Variants in FRS2 observed in about 807,000 individuals in gnomAD.
FRS2 encodes fibroblast growth factor receptor substrate 2, also known as FGFR signalling adaptor.
A neutral mutation model predicts 43.9 loss-of-function variants in FRS2; 8 were observed. The ratio of observed to expected loss-of-function variants is 0.18; its 90% CI spans 0.11 to 0.33. The LOEUF (loss-of-function observed/expected upper bound fraction) is 0.33. Ranked by LOEUF, FRS2 falls within the 10% of genes least tolerant of loss-of-function variation. The pLI is 1.00. For synonymous variants in FRS2, 219 were observed against 220.3 expected, an observed-to-expected ratio of 0.99 and a Z score of 0.05; for missense variants, 534 against 627.6, an observed-to-expected ratio of 0.85 and a Z score of 1.59.
chr12:69,559,787 T>TAA (rs542809585), intron 3 of FRS2, among the ~76,000 whole-genome samples: 6 of 143,506 alleles, frequency 4.2e-5, no homozygotes, highest in East Asian at 4.0e-4. Flanking sequence ...CCCAATGGTT[T>TAA]AAAAAAAAAA....
rs535945888 is a variant in FRS2, at chr12:69,531,566, A to G, written c.-164-448A>G. 5.3e-5 allele frequency among the ~76,000 whole-genome samples: 8 copies of G among 152,190 alleles called. No homozygotes were observed. In the South Asian group the frequency reaches 1.2e-3, roughly 24 times the overall value. On this transcript the variant is annotated intron_variant, in intron 2 of 8. Transcript: ENST00000549921. ...GGTGTCTTATTGGAGTGGTGAAAAT[A>G]TTATGGAATTAGATGATGTGGTCAT...
At chr12:69,547,372 A>C (rs765645464) in intron 3 of FRS2, among the ~76,000 whole-genome samples, 1 of 151,958 alleles carries the variant, frequency 6.6e-6, no homozygotes, top group Non-Finnish European at 1.5e-5. Context: ...GAGATGAGAG[A>C]ATCCCTTGAG....
intron 3 of FRS2, among the ~76,000 whole-genome samples, chr12:69,555,247 T>C (rs1258141353): frequency 6.6e-6 from 1 of 151,952 alleles, no homozygotes; most frequent in African/African-American, 2.4e-5. Flanking sequence ...GGTTTCATCA[T>C]GTTGGCCAGG....
chr12:69,526,485 CTT>C (rs1370713923), intron 1 of FRS2, among the ~76,000 whole-genome samples: 1 of 152,008 alleles, frequency 6.6e-6, no homozygotes, highest in Non-Finnish European at 1.5e-5. Context: ...ATTAATGACA[CTT>C]ATAAAATCAG....
chr12:69,547,741 A>G (rs1296330299), intron 3 of FRS2, among the ~76,000 whole-genome samples: 1 of 151,104 alleles, frequency 6.6e-6, no homozygotes, highest in African/African-American at 2.4e-5. Context: ...ATTATTAATG[A>G]GTTAAATTGT....
At chr12:69,492,973 A>G (rs1017319296) in intron 1 of FRS2, among the ~76,000 whole-genome samples, 1 of 152,212 alleles carries the variant, frequency 6.6e-6, no homozygotes, top group Admixed American at 6.5e-5. Context: ...GTTTAAAACT[A>G]GTAATGGAAT....
intron 4 of FRS2, among the ~76,000 whole-genome samples, chr12:69,567,933 GA>G (rs1214496248): frequency 2.6e-5 from 4 of 152,244 alleles, no homozygotes; most frequent in African/African-American, 9.6e-5. Context: ...TTAAACTGAA[GA>G]TAGTGGAGAG....
At position 69,541,073 on chromosome 12, in the gene FRS2, T is replaced by A. The variant is rs1877856868; in HGVS notation, c.-122+9017T>A. ...CTAAATGTAATGAAGTTTGTTTTTT[T>A]AAAAAACCACAAAACTGAGTCCCTC... On this transcript the variant is annotated intron_variant, in intron 3 of 8. Transcript: ENST00000549921. Among the ~76,000 whole-genome samples, 2 of 152,306 alleles carry A rather than the reference T, an allele frequency of 1.3e-5. 1 individual carries two copies. The highest frequency in any genetic ancestry group is 6.8e-3 in the Middle Eastern group (2 of 292).
At chr12:69,539,848 G>A (rs1046326158) in intron 3 of FRS2, among the ~76,000 whole-genome samples, 3 of 152,088 alleles carry the variant, frequency 2.0e-5, no homozygotes, top group African/African-American at 4.8e-5. Flanking sequence ...CCAGCTACTC[G>A]GGAGGCTCAG....
intron 1 of FRS2, among the ~76,000 whole-genome samples, chr12:69,479,884 G>A (rs1871206366): frequency 6.6e-6 from 1 of 151,854 alleles, no homozygotes; most frequent in Non-Finnish European, 1.5e-5. Context: ...CTTAAATTTT[G>A]TCTTCCATAT....
rs190831805 is a variant in FRS2 at position 69,483,757 on chromosome 12, C to T, written c.-261+13227C>T. Among the ~76,000 whole-genome samples the T allele has an allele frequency of 4.4e-3, 670 of 152,118 alleles. 2 individuals carry two copies. The highest frequency in any genetic ancestry group is 6.7e-3 in the South Asian group (32 of 4,812). On this transcript the variant is annotated intron_variant, in intron 1 of 8. Coordinates refer to ENST00000549921, the MANE Select transcript of FRS2 (RefSeq NM_001278356.2). The stretch of plus-strand genomic sequence containing the variant: ...AAAACACCTTTGAGTATATGGATTT[C>T]TTCATATTTCTAGTTATTTCCTTAA...
chr12:69,488,262 G>C (rs1368660564), intron 1 of FRS2, among the ~76,000 whole-genome samples: 1 of 152,156 alleles, frequency 6.6e-6, no homozygotes, highest in Non-Finnish European at 1.5e-5. Flanking sequence ...ATTTGATGCG[G>C]CAAGTGATTG....
At chr12:69,499,033 A>G (rs557863387) in intron 1 of FRS2, among the ~76,000 whole-genome samples, 1 of 152,314 alleles carries the variant, frequency 6.6e-6, no homozygotes, top group East Asian at 1.9e-4. Context: ...CTGGCAAATG[A>G]TGGAAATATT....
chr12:69,539,844 A>C lies in FRS2; in HGVS notation c.-122+7788A>C, dbSNP rs894498544. Among the ~76,000 whole-genome samples the C allele has an allele frequency of 3.3e-5, 5 of 152,060 alleles. 1 individual carries two copies. Among genetic ancestry groups the C allele is most frequent in the African/African-American group, 1.2e-4 (5 of 41,416 alleles). ...GTGGCGGGCGCCTGTAATCCCAGCT[A>C]CTCGGGAGGCTCAGGGAGGAGAATC... On this transcript the variant is annotated intron_variant, in intron 3 of 8. Coordinates refer to ENST00000549921, the MANE Select transcript of FRS2 (RefSeq NM_001278356.2).
chr12:69,579,171 CT>C lies in FRS2; in HGVS notation c.*4220del, dbSNP rs1454789716. ...TTTGTAGCATGGCAATAAAATATAA[CT>C]TTTACACTGAGGCCGAGTGTGGCTT... On this transcript the variant is annotated 3_prime_UTR_variant, in exon 9 of 9. Transcript: ENST00000549921. The C allele has an allele frequency of 6.6e-6, 1 of 152,584 alleles. No individual in the cohort carries two copies. The highest frequency in any genetic ancestry group is 1.9e-4 in the East Asian group (1 of 5,200). The allele number at this position is 152,584 out of a possible 1,614,324, so 9.5% of individuals were successfully genotyped here.
At chr12:69,545,575 T>G (rs520592) in intron 3 of FRS2, among the ~76,000 whole-genome samples, 14,203 of 151,690 alleles carry the variant, frequency 0.094, 874 homozygotes, top group Non-Finnish European at 0.14. Flanking sequence ...GGCCAACATG[T>G]TGAAACCCTG....
At chr12:69,550,501 C>G (rs1442477661) in intron 3 of FRS2, among the ~76,000 whole-genome samples, 3 of 152,184 alleles carry the variant, frequency 2.0e-5, no homozygotes, top group Non-Finnish European at 4.4e-5. Flanking sequence ...TTAACTAAGT[C>G]TAAAATGAAA....
At chr12:69,559,333 T>A (rs1565774538) in intron 3 of FRS2, among the ~76,000 whole-genome samples, 2 of 152,160 alleles carry the variant, frequency 1.3e-5, no homozygotes, top group African/African-American at 2.4e-5. Context: ...TGCCAGAAAT[T>A]AAGGTACCAG....
At chr12:69,471,235 C>G (rs1161304315) in intron 1 of FRS2, among the ~76,000 whole-genome samples, 4 of 151,632 alleles carry the variant, frequency 2.6e-5, no homozygotes, top group Non-Finnish European at 1.5e-5. Flanking sequence ...GTTTAGACAC[C>G]CCCTCCCCCG....
Sources: allele counts gnomAD v4.1 joint callset (sites outside exome capture counted in the v4.1 genomes callset), GRCh38; gene constraint gnomAD v4.1.1; transcripts MANE v1.5; gene names NCBI Gene and HGNC (gene_info 2026-07-23, HGNC 2026-07-21).